The following TMEM164 variants were observed in gnomAD, a reference collection of about 807,000 sequenced individuals.
The protein encoded by TMEM164 is RP13-360B22.2.
Under a neutral mutation model 18.8 loss-of-function variants are expected in TMEM164, and 4 were observed. That is an observed-to-expected ratio of 0.21 (90% CI 0.10 to 0.49). TMEM164 has a LOEUF of 0.49. TMEM164 is among the 20% of genes least tolerant of loss of function. TMEM164 has a pLI of 0.98. For missense variants in TMEM164, 108 were observed against 239.9 expected, an observed-to-expected ratio of 0.45 and a Z score of 3.63; for synonymous variants, 86 against 101.7, an observed-to-expected ratio of 0.85 and a Z score of 0.93.
At chrX:110,082,438 C>G (rs769929697) in intron 3 of TMEM164, among the ~76,000 whole-genome samples, 13 of 111,919 alleles carry the variant, frequency 1.2e-4, no homozygotes, top group African/African-American at 4.2e-4. Flanking sequence ...TGGTACTTTC[C>G]TGAAGAGCTA....
At chrX:110,172,173 G>A (rs1299849719) in intron 6 of TMEM164, among the ~76,000 whole-genome samples, 1 of 111,871 alleles carries the variant, frequency 8.9e-6, no homozygotes, top group Admixed American at 9.4e-5. Context: ...CTCTGAATGA[G>A]TCACCTCACC....
intron 4 of TMEM164, among the ~76,000 whole-genome samples, chrX:110,114,578 A>G (rs1363915030): frequency 8.9e-6 from 1 of 112,022 alleles, no homozygotes; most frequent in Non-Finnish European, 1.9e-5. Context: ...GTGCAAAGCT[A>G]GTGATCTGGC....
intron 3 of TMEM164, among the ~76,000 whole-genome samples, chrX:110,092,994 T>G (rs1481759279): frequency 8.9e-6 from 1 of 112,003 alleles, no homozygotes; most frequent in African/African-American, 3.2e-5. Context: ...TTGATTCTGT[T>G]TATATGACGG....
intron 2 of TMEM164, among the ~76,000 whole-genome samples, chrX:110,016,249 C>G (rs774824595): frequency 2.9e-4 from 33 of 112,656 alleles, no homozygotes; most frequent in Admixed American, 2.8e-4. Context: ...TTTTTCATCC[C>G]CCTTTTCCAC....
chrX:110,022,199 A>G (rs1933915024), intron 2 of TMEM164, among the ~76,000 whole-genome samples: 1 of 107,592 alleles, frequency 9.3e-6, no homozygotes, highest in African/African-American at 3.4e-5. Flanking sequence ...ACCACTAGAA[A>G]TGTGTGTGTG....
At chrX:110,083,187 C>A (rs959991172) in intron 3 of TMEM164, among the ~76,000 whole-genome samples, 6 of 111,315 alleles carry the variant, frequency 5.4e-5, no homozygotes, top group Admixed American at 1.9e-4. Flanking sequence ...TTAAAACAAT[C>A]CAGTTTTAAA....
At chrX:110,080,232 C>T (rs1001192437) in intron 3 of TMEM164, among the ~76,000 whole-genome samples, 1 of 111,273 alleles carries the variant, frequency 9.0e-6, no homozygotes, top group Non-Finnish European at 1.9e-5. Context: ...TAAGTTAGCA[C>T]GAGTTTATTT....
chrX:110,049,875 G>A (rs767925516), intron 2 of TMEM164, among the ~76,000 whole-genome samples: 3 of 110,957 alleles, frequency 2.7e-5, no homozygotes, highest in Admixed American at 9.6e-5. Flanking sequence ...CACACTTCAG[G>A]AGTCCCACAT....
intron 2 of TMEM164, among the ~76,000 whole-genome samples, chrX:110,031,075 G>A (rs1009943216): frequency 2.7e-5 from 3 of 110,367 alleles, no homozygotes; most frequent in African/African-American, 9.9e-5. Context: ...CTGCCGACAG[G>A]CCCCGGCATG....
intron 3 of TMEM164, among the ~76,000 whole-genome samples, chrX:110,107,987 G>A (rs913916083): frequency 4.5e-5 from 5 of 110,196 alleles, no homozygotes; most frequent in Admixed American, 9.7e-5. Flanking sequence ...AAACACATCT[G>A]TGAGTGCCAA....
chrX:110,016,222 T>C (rs1487565193), intron 2 of TMEM164, among the ~76,000 whole-genome samples: 3 of 113,051 alleles, frequency 2.7e-5, no homozygotes, highest in African/African-American at 9.7e-5. Context: ...AAGTACATTG[T>C]GGTCTGCACC....
In TMEM164 at chrX:110,175,683, G is replaced by A. The variant is rs2067281749; in HGVS notation, c.*2232G>A. ...TCAGAGGAAGGAAGAAGTAAAGGGGGCATGCAGGGCTTTTGGGGGCCAGAT... is the reference window on the plus strand; with the variant it reads ...TCAGAGGAAGGAAGAAGTAAAGGGGACATGCAGGGCTTTTGGGGGCCAGAT... On this transcript the variant is annotated 3_prime_UTR_variant, in exon 7 of 7. Transcript: ENST00000372068. 2.8e-6 allele frequency: 2 copies of A among 706,112 alleles called. No individual in the cohort carries two copies. Among genetic ancestry groups the A allele is most frequent in the African/African-American group, 2.4e-5 (1 of 42,403 alleles). The allele number at this position is 706,112 out of a possible 1,213,427, so 58.2% of individuals were successfully genotyped here.
rs779382173 is a variant in TMEM164, at chrX:110,003,946, C to T, written c.172C>T (p.Arg58Trp). 5.8e-6 allele frequency: 7 copies of T among 1,211,407 alleles called. No homozygotes were observed. The highest frequency in any genetic ancestry group is 7.8e-6 in the Non-Finnish European group (7 of 895,389). Residue 58 changes from arginine to tryptophan, a missense_variant, in exon 2 of 7, where the codon CGG becomes TGG. Physicochemically the swap from Arg to Trp is moderately radical, Grantham distance 101. Transcript: ENST00000372068. ...TCTGTTGGAGATCCTGGTGGCCCTG[C>T]GGCACATCCTGAGGCAGACGAAGGA... ...LALLEILVALRHILRQTKEDG... is the reference protein window; with the variant it reads ...LALLEILVALWHILRQTKEDG...
chrX:110,125,397 C>A (rs1353606927), intron 4 of TMEM164, among the ~76,000 whole-genome samples: 1 of 111,962 alleles, frequency 8.9e-6, no homozygotes, highest in Non-Finnish European at 1.9e-5. Context: ...CCGGTATGAA[C>A]TGGGAAGTGG....
At chrX:110,077,926 A>G (rs12353721) in intron 3 of TMEM164, among the ~76,000 whole-genome samples, 53,465 of 109,945 alleles carry the variant, frequency 0.49, 10,431 homozygotes, top group Middle Eastern at 0.63. Context: ...TCTGATGGCT[A>G]TGTGTCTTGT....
intron 5 of TMEM164, among the ~76,000 whole-genome samples, chrX:110,159,008 C>T (rs2067055673): frequency 8.9e-6 from 1 of 112,261 alleles, no homozygotes; most frequent in Non-Finnish European, 1.9e-5. Context: ...ATAACAGTCC[C>T]TGTCATGTAA....
chrX:110,135,067 A>G (rs2066669840), intron 4 of TMEM164, among the ~76,000 whole-genome samples: 1 of 12,181 alleles, frequency 8.2e-5, no homozygotes, highest in East Asian at 3.4e-4. Flanking sequence ...TATAAAAAAT[A>G]TATATATACA....
In TMEM164 at chrX:110,173,817, G is replaced by T; in HGVS notation, c.*366G>T. On this transcript the variant is annotated 3_prime_UTR_variant, in exon 7 of 7. Transcript: ENST00000372068. ...AACAAGTAGTAGTTCTTTTGGCATCGAAGCAATGAGATTGGGTTGTGTTTC... is the reference window on the plus strand; with the variant it reads ...AACAAGTAGTAGTTCTTTTGGCATCTAAGCAATGAGATTGGGTTGTGTTTC... 1 of 189,086 alleles carries T rather than the reference G, an allele frequency of 5.3e-6. No individual in the cohort carries two copies. The highest frequency in any genetic ancestry group is 9.7e-6 in the Non-Finnish European group (1 of 103,406). 15.6% of individuals were successfully genotyped at this position (189,086 alleles called of 1,213,427 possible). A position where few individuals can be genotyped will look rare whatever the true frequency, so the allele number is the denominator to read the frequency against.
chrX:110,012,724 A>G (rs1037635268), intron 2 of TMEM164, among the ~76,000 whole-genome samples: 1 of 112,111 alleles, frequency 8.9e-6, no homozygotes, highest in Admixed American at 9.4e-5. Flanking sequence ...GGCACCAGTC[A>G]GTCCTCTGTG....
Sources: allele counts gnomAD v4.1 joint callset (sites outside exome capture counted in the v4.1 genomes callset), GRCh38; gene constraint gnomAD v4.1.1; transcripts MANE v1.5; gene names NCBI Gene and HGNC (gene_info 2026-07-23, HGNC 2026-07-21).